TET3: variants seen among roughly 807,000 people sequenced by gnomAD.
TET3 encodes tet methylcytosine dioxygenase 3, also known as methylcytosine dioxygenase TET3.
A neutral mutation model predicts 141.4 loss-of-function variants in TET3; 19 were observed. That is an observed-to-expected ratio of 0.13 (90% confidence interval 0.09 to 0.20). The LOEUF (loss-of-function observed/expected upper bound fraction) is 0.20, where lower values mean the gene tolerates loss of function less well. Ranked by LOEUF, TET3 falls within the 10% of genes least tolerant of loss-of-function variation. The pLI, the probability that TET3 is intolerant of heterozygous loss-of-function variation, is 1.00. For synonymous variants in TET3, 1,043 were observed against 980.9 expected (o/e 1.06, Z -1.18); for missense variants, 1,874 against 2,356.9 (o/e 0.80, Z 4.24).
intron 4 of TET3, among the ~76,000 whole-genome samples, chr2:74,048,951 G>A (rs940781966): frequency 6.6e-6 from 1 of 152,230 alleles, no homozygotes; most frequent in African/African-American, 2.4e-5. Context: ...ATAGGTAATA[G>A]TGAGCTCCTG....
At chr2:74,085,150 C>CA (rs112733988) in intron 6 of TET3, among the ~76,000 whole-genome samples, 10,946 of 119,458 alleles carry the variant, frequency 0.092, 764 homozygotes, top group African/African-American at 0.21. Flanking sequence ...TTTTCCACAG[C>CA]AAAAAAAAAA....
At chr2:74,073,734 C>A in intron 5 of TET3, 95 bp downstream of exon 5, 2 of 1,003,902 alleles carry the variant, frequency 2.0e-6, no homozygotes, top group Admixed American at 3.0e-5. Context: ...TTGTAACAGA[C>A]AATATACAGA....
At chr2:74,023,208 A>G (rs959847421) in intron 3 of TET3, among the ~76,000 whole-genome samples, 2 of 151,436 alleles carry the variant, frequency 1.3e-5, no homozygotes, top group Non-Finnish European at 3.0e-5. Context: ...ATTGATATTA[A>G]TTAATTTTCA....
chr2:74,131,855 A>C, the TET3 span, among the ~76,000 whole-genome samples: 1 of 150,850 alleles, frequency 6.6e-6, no homozygotes, highest in Non-Finnish European at 1.5e-5. Flanking sequence ...TAATCCGTCA[A>C]TTAAAAAAAC....
At chr2:74,003,367 T>G (rs1684967196) in intron 3 of TET3, among the ~76,000 whole-genome samples, 1 of 151,514 alleles carries the variant, frequency 6.6e-6, no homozygotes, top group Admixed American at 6.6e-5. Flanking sequence ...GTTTGGATTC[T>G]TTTTGCTTTC....
At chr2:74,025,687 C>T (rs947320064) in intron 3 of TET3, among the ~76,000 whole-genome samples, 1 of 152,222 alleles carries the variant, frequency 6.6e-6, no homozygotes, top group African/African-American at 2.4e-5. Flanking sequence ...TTTTACCAAT[C>T]GTTACAACCT....
intron 2 of TET3, among the ~76,000 whole-genome samples, chr2:73,988,258 A>G (rs953933128): frequency 1.1e-4 from 17 of 152,176 alleles, no homozygotes; most frequent in East Asian, 1.9e-4. Context: ...GCTTTGGTGT[A>G]GGGAGGAGCT....
intron 3 of TET3, among the ~76,000 whole-genome samples, chr2:74,020,440 T>C (rs566242591): frequency 6.6e-6 from 1 of 152,234 alleles, no homozygotes; most frequent in Non-Finnish European, 1.5e-5. Flanking sequence ...GCCCAAAGTG[T>C]TGGGATTACA....
Position 74,080,567 on chromosome 2 carries a change from C to A in TET3, c.2655C>A (p.Ser885=). 6.2e-7 allele frequency: 1 copy of A among 1,612,816 alleles called. No individual in the cohort carries two copies. Among genetic ancestry groups the A allele is most frequent in the Non-Finnish European group, 8.5e-7 (1 of 1,179,460 alleles). Reference sequence around the variant, plus strand: ...ACACGGGGAAGGAGGGAAAGAGCTCCCGCGGTTGCCCCATTGCAAAGTGGG... The same window carrying A: ...ACACGGGGAAGGAGGGAAAGAGCTCACGCGGTTGCCCCATTGCAAAGTGGG... ...VIYTGKEGKS[S]RGCPIAKWVI... The change falls in exon 6 of 12, where the codon TCC becomes TCA. Residue 885 remains serine, a synonymous_variant. Transcript: ENST00000409262.
chr2:74,026,106 C>CT (rs544356622), intron 3 of TET3, among the ~76,000 whole-genome samples: 231 of 152,250 alleles, frequency 1.5e-3, no homozygotes, highest in Non-Finnish European at 2.0e-3. Flanking sequence ...CTGCTCTCCC[C>CT]TTTGCCCCTC....
At chr2:74,083,488 C>G (rs1411954479) in intron 6 of TET3, among the ~76,000 whole-genome samples, 1 of 152,168 alleles carries the variant, frequency 6.6e-6, no homozygotes, top group Non-Finnish European at 1.5e-5. Context: ...GGTTATGTTA[C>G]TCTTGGTCTG....
rs539356339 is a variant in TET3 at position 74,105,375 on chromosome 2, C to T, written c.*3199C>T. 5 of 398,524 alleles carry T rather than the reference C, an allele frequency of 1.3e-5. No individual in the cohort carries two copies. Among genetic ancestry groups the T allele is most frequent in the Admixed American group, 4.4e-5 (1 of 22,734 alleles). 24.7% of individuals were successfully genotyped at this position (398,524 alleles called of 1,614,324 possible). A position where few individuals can be genotyped will look rare whatever the true frequency, so the allele number is the denominator to read the frequency against. On this transcript the variant is annotated 3_prime_UTR_variant, in exon 12 of 12. Transcript: ENST00000409262. The stretch of plus-strand genomic sequence containing the variant: ...GAAGTGCTTGTAAAGTTCTGTGCTA[C>T]GAGATTTTTAAAATAAAAATCGCTT...
the TET3 span, chr2:74,120,821 C>G: frequency 6.6e-6 from 1 of 152,334 alleles, no homozygotes; most frequent in African/African-American, 2.4e-5. Flanking sequence ...CTAAAAGGAA[C>G]TGGAAGGAGA....
At chr2:74,099,712 G>T in intron 11 of TET3, 100 bp downstream of exon 11, 1 of 1,245,110 alleles carries the variant, frequency 8.0e-7, no homozygotes, top group Non-Finnish European at 1.1e-6. Context: ...TGGAACTGGG[G>T]CCTCTGCTTA....
intron 6 of TET3, among the ~76,000 whole-genome samples, chr2:74,081,298 A>G (rs1444945631): frequency 6.6e-6 from 1 of 152,222 alleles, no homozygotes; most frequent in African/African-American, 2.4e-5. Flanking sequence ...AGAAGTGCTG[A>G]GGAGGAGCAG....
At chr2:74,050,876 AAAC>A (rs199698585) in intron 4 of TET3, among the ~76,000 whole-genome samples, 6,452 of 151,908 alleles carry the variant, frequency 0.042, 177 homozygotes, top group Middle Eastern at 0.092. Flanking sequence ...GGAAAAAAAA[AAAC>A]AACAATAAAA....
intron 3 of TET3, among the ~76,000 whole-genome samples, chr2:74,043,776 A>G (rs1354360420): frequency 2.0e-5 from 3 of 152,116 alleles, no homozygotes; most frequent in African/African-American, 7.2e-5. Context: ...CACAGAGCTC[A>G]TCCCAAACCC....
the TET3 span, among the ~76,000 whole-genome samples, chr2:74,115,496 G>A: frequency 3.3e-5 from 5 of 152,046 alleles, no homozygotes; most frequent in African/African-American, 7.2e-5. Flanking sequence ...GAACAGGTAC[G>A]CCAGAAGCCC....
the TET3 span, among the ~76,000 whole-genome samples, chr2:74,127,526 G>A: frequency 1.0e-3 from 158 of 152,132 alleles, no homozygotes; most frequent in African/African-American, 3.6e-3. Flanking sequence ...TTAACCAAAC[G>A]AATTGGAGAC....
Sources: gnomAD v4.1 joint callset for allele counts (sites outside exome capture counted in the v4.1 genomes callset) on GRCh38, gnomAD v4.1.1 for gene constraint, MANE v1.5 for transcripts, NCBI Gene and HGNC (gene_info 2026-07-23, HGNC 2026-07-21) for gene names.